The following SNX14 variants were observed in gnomAD, a reference collection of about 807,000 sequenced individuals.
The protein encoded by SNX14 is sorting nexin 14, also known as sorting nexin-14.
A neutral mutation model predicts 133.8 loss-of-function variants in SNX14; 93 were observed. The observed-to-expected ratio is 0.70, with a 90% CI of 0.59 to 0.83. The LOEUF is 0.83. SNX14 is among the 40% of genes least tolerant of loss of function. The pLI is 0.00. For synonymous variants in SNX14, 368 were observed against 365.6 expected, an observed-to-expected ratio of 1.01 and a Z score of -0.07; for missense variants, 945 against 1,094.9, an observed-to-expected ratio of 0.86 and a Z score of 1.93.
intron 27 of SNX14, 22 bp downstream of exon 27, chr6:85,507,946 T>TACGAGCTTTA: frequency 6.2e-7 from 1 of 1,604,046 alleles, no homozygotes; most frequent in South Asian, 1.1e-5. Context: ...AGCATGAGTT[T>TACGAGCTTTA]ACGAGCTTTA....
rs538907536 is a variant in SNX14 at position 85,547,323 on chromosome 6, C to T, written c.987G>A (p.Lys329=). The change falls in exon 11 of 29, where the codon AAG becomes AAA. Residue 329 remains lysine (K), a synonymous_variant. Coordinates refer to ENST00000314673, the MANE Select transcript of SNX14 (RefSeq NM_153816.6). ...LQKFAEPRNK[K]PSVLKLELKQ... ...TATTGCTGAAAATTCTTACAGATGGCTTTTTATTTCTAGGTTCTGCAAATT... is the reference window on the plus strand; with the variant it reads ...TATTGCTGAAAATTCTTACAGATGGTTTTTTATTTCTAGGTTCTGCAAATT... 1 of 1,613,262 alleles carries T rather than the reference C, an allele frequency of 6.2e-7. No homozygotes were observed. The highest frequency in any genetic ancestry group is 1.3e-5 in the African/African-American group (1 of 74,970).
chr6:85,593,500 C>T (rs1803603889), intron 1 of SNX14, 79 bp downstream of exon 1: 2 of 1,498,192 alleles, frequency 1.3e-6, no homozygotes, highest in South Asian at 2.5e-5. Flanking sequence ...ACGCGGCCTC[C>T]GCACGGTTAA....
At position 85,558,028 on chromosome 6, in the gene SNX14, T is replaced by C. The variant is rs776142791; in HGVS notation, c.582A>G (p.Leu194=). ...VDIPSIITKK[L]LKAAMKHIEV... is the part of the protein sequence containing the mutation. ...CTATATGCTTCATTGCTGCTTTTAA[T>C]AGTTTCTTGGTTATAATAGATGGAA... Residue 194 remains leucine (L), a synonymous_variant, in exon 7 of 29, where the codon CTA becomes CTG. Transcript: ENST00000314673. 6.3e-7 allele frequency: 1 copy of C among 1,590,754 alleles called. No individual in the cohort carries two copies. The highest frequency in any genetic ancestry group is 1.7e-5 in the Admixed American group (1 of 59,252).
rs192815856 is a variant in SNX14, at chr6:85,569,146, G to A, written c.418-1569C>T. Among the ~76,000 whole-genome samples, 575 of 152,146 alleles carry A rather than the reference G, an allele frequency of 3.8e-3. 1 individual carries two copies. Among genetic ancestry groups the A allele is most frequent in the Non-Finnish European group, 5.4e-3 (364 of 68,012 alleles). ...ACCAGCTAATTTTGCATTTTTACTA[G>A]AGATGGGGTTTCTCCATGTTGGTCA... On this transcript the variant is annotated intron_variant, in intron 4 of 28. Transcript: ENST00000314673.
At chr6:85,561,347 C>CAAAAA (rs879780457) in intron 6 of SNX14, 1 of 114,928 alleles carries the variant, frequency 8.7e-6, no homozygotes, top group East Asian at 2.4e-4. Flanking sequence ...AACCCTGTCT[C>CAAAAA]AAAAAAAAAA....
chr6:85,571,984 G>T (rs775121950), intron 4 of SNX14, among the ~76,000 whole-genome samples, 153 bp downstream of exon 4: 1 of 152,124 alleles, frequency 6.6e-6, no homozygotes, highest in African/African-American at 2.4e-5. Flanking sequence ...TACTACTCAA[G>T]TTGTTTAGTC....
At chr6:85,532,292 A>G (rs955762462) in intron 18 of SNX14, among the ~76,000 whole-genome samples, 7 of 152,206 alleles carry the variant, frequency 4.6e-5, no homozygotes, top group Non-Finnish European at 7.3e-5. Context: ...AACAGCAACT[A>G]CTAAGACTGA....
At position 85,541,968 on chromosome 6, in the gene SNX14, C is replaced by T. The variant is rs768823460; in HGVS notation, c.1448+17G>A. 1 of 1,580,668 alleles carries T rather than the reference C, an allele frequency of 6.3e-7. No individual in the cohort carries two copies. Among genetic ancestry groups the T allele is most frequent in the South Asian group, 1.2e-5 (1 of 84,482 alleles). On this transcript the variant is annotated intron_variant, in intron 15 of 28. Coordinates refer to ENST00000314673, the MANE Select transcript of SNX14 (RefSeq NM_153816.6). ...TGACTGGCATCAGCAAGTTCAAAAACAAAACATACAACCTACCTGTTCAAT... is the reference window on the plus strand; with the variant it reads ...TGACTGGCATCAGCAAGTTCAAAAATAAAACATACAACCTACCTGTTCAAT...
chr6:85,542,144 A>G, intron 14 of SNX14, 101 bp from the exon 15 acceptor site: 2 of 725,674 alleles, frequency 2.8e-6, no homozygotes, highest in Non-Finnish European at 2.1e-6. Flanking sequence ...AAAAAAAAAA[A>G]GCTATCTCAA....
intron 4 of SNX14, among the ~76,000 whole-genome samples, chr6:85,571,348 A>G (rs1171445373): frequency 6.6e-6 from 1 of 150,512 alleles, no homozygotes; most frequent in Admixed American, 6.6e-5. Context: ...TGGCAGAGCA[A>G]GACTCCATCT....
At chr6:85,535,669 AC>A (rs1582718755) in intron 17 of SNX14, among the ~76,000 whole-genome samples, 1 of 152,010 alleles carries the variant, frequency 6.6e-6, no homozygotes. Context: ...GCATAAAAAA[AC>A]GGCTTTATTT....
intron 1 of SNX14, among the ~76,000 whole-genome samples, chr6:85,575,905 G>A (rs989167327): frequency 1.3e-5 from 2 of 152,150 alleles, no homozygotes; most frequent in Admixed American, 6.6e-5. Context: ...CCATGTTATC[G>A]GATGAGAAGA....
In SNX14 at chr6:85,521,561, A is replaced by G. The variant is rs186935746; in HGVS notation, c.2108-3513T>C. On this transcript the variant is annotated intron_variant, in intron 21 of 28. Transcript: ENST00000314673. Reference sequence around the variant, plus strand: ...CCCTTGTACAGGTTAAATAGTTGCAAAACATACAGGTAAAATATCCATAAA... The same window carrying G: ...CCCTTGTACAGGTTAAATAGTTGCAGAACATACAGGTAAAATATCCATAAA... Among the ~76,000 whole-genome samples the G allele has an allele frequency of 8.5e-5, 13 of 152,326 alleles. No homozygotes were observed. In the East Asian group the frequency reaches 2.5e-3, roughly 29 times the overall value.
intron 12 of SNX14, among the ~76,000 whole-genome samples, chr6:85,545,934 C>T (rs1305179919): frequency 2.6e-5 from 4 of 152,350 alleles, no homozygotes; most frequent in Admixed American, 2.6e-4. Context: ...CCACCTGCCT[C>T]GGCCTCCCGA....
chr6:85,517,832 G>A lies in SNX14; in HGVS notation c.2192C>T (p.Ser731Phe). The change falls in exon 23 of 29, where the codon TCT (serine) becomes TTT (phenylalanine). Residue 731 changes from serine (S) to phenylalanine (F), a missense_variant. Physicochemically the swap from Ser to Phe is radical, Grantham distance 155. This residue lies in a region of SNX14 where 412 missense variants were observed against 516.6 expected (regional missense o/e 0.80). Coordinates refer to ENST00000314673, the MANE Select transcript of SNX14 (RefSeq NM_153816.6). Reference sequence around the variant, plus strand: ...TGGTTTAGGCTTTGGAGACTCACAAGAATTAATGAAATTCATGATAAAAGG... The same window carrying A: ...TGGTTTAGGCTTTGGAGACTCACAAAAATTAATGAAATTCATGATAAAAGG... ...LEPFIMNFIN[S>F]CESPKPKPSR... The A allele has an allele frequency of 6.2e-7, 1 of 1,610,078 alleles. No homozygotes were observed. Among genetic ancestry groups the A allele is most frequent in the Non-Finnish European group, 8.5e-7 (1 of 1,178,898 alleles).
intron 26 of SNX14, among the ~76,000 whole-genome samples, chr6:85,510,646 T>A (rs1772466618): frequency 6.6e-6 from 1 of 152,196 alleles, no homozygotes; most frequent in African/African-American, 2.4e-5. Context: ...AATTATTTCG[T>A]CTATGGTTCA....
chr6:85,509,532 CT>C (rs1772005847), intron 26 of SNX14, among the ~76,000 whole-genome samples: 1 of 152,098 alleles, frequency 6.6e-6, no homozygotes, highest in Non-Finnish European at 1.5e-5. Context: ...ATAAACTTTA[CT>C]TTTTAAAGTA....
Position 85,558,041 on chromosome 6 carries a change from A to G in SNX14, c.569T>C (p.Ile190Thr). The G allele has an allele frequency of 6.4e-7, 1 of 1,569,174 alleles. No individual in the cohort carries two copies. The highest frequency in any genetic ancestry group is 8.7e-7 in the Non-Finnish European group (1 of 1,145,280). ...RIHKVDIPSI[I>T]TKKLLKAAMK... is the part of the protein sequence containing the mutation. Reference sequence around the variant, plus strand: ...TGCTGCTTTTAATAGTTTCTTGGTTATAATAGATGGAATATCCACCTAGAA... The same window carrying G: ...TGCTGCTTTTAATAGTTTCTTGGTTGTAATAGATGGAATATCCACCTAGAA... The change falls in exon 7 of 29, where the codon ATA becomes ACA. Residue 190 changes from isoleucine (I) to threonine (T), a missense_variant. Physicochemically the swap from Ile to Thr is moderately conservative, Grantham distance 89. Coordinates refer to ENST00000314673, the MANE Select transcript of SNX14 (RefSeq NM_153816.6).
chr6:85,587,469 T>A (rs935162002), intron 1 of SNX14, among the ~76,000 whole-genome samples: 15 of 152,306 alleles, frequency 9.8e-5, no homozygotes, highest in Admixed American at 2.6e-4. Context: ...AAATAACTTT[T>A]AAAAAATTTT....
Sources: allele counts gnomAD v4.1 joint callset (sites outside exome capture counted in the v4.1 genomes callset), GRCh38; gene constraint gnomAD v4.1.1; regional missense constraint gnomAD v4.1.1; transcripts MANE v1.5; gene names NCBI Gene and HGNC (gene_info 2026-07-23, HGNC 2026-07-21).